Variants in ARID2 observed in about 807,000 individuals in gnomAD.
ARID2 encodes the protein AT-rich interactive domain-containing protein 2.
Under a neutral mutation model 184.6 loss-of-function variants are expected in ARID2, and 32 were observed. The ratio of observed to expected loss-of-function variants is 0.17; its 90% CI spans 0.13 to 0.23. The LOEUF (loss-of-function observed/expected upper bound fraction) is 0.23, where lower values mean the gene tolerates loss of function less well. Among genes scored for constraint, ARID2 ranks in the 10% least tolerant of loss-of-function variants. ARID2 has a pLI of 1.00. For missense variants in ARID2, 1,696 were observed against 2,197.6 expected, an observed-to-expected ratio of 0.77 and a Z score of 4.56; for synonymous variants, 836 against 772.6, an observed-to-expected ratio of 1.08 and a Z score of -1.36.
intron 11 of ARID2, among the ~76,000 whole-genome samples, chr12:45,846,234 T>TA (rs1384888700): frequency 6.6e-6 from 1 of 152,194 alleles, no homozygotes; most frequent in African/African-American, 2.4e-5. Flanking sequence ...TTACAACAGA[T>TA]ATCTTCTTTT....
intron 11 of ARID2, 197 bp downstream of exon 11, chr12:45,839,693 G>C: frequency 4.1e-6 from 2 of 485,306 alleles, no homozygotes; most frequent in East Asian, 3.4e-5. Flanking sequence ...CTCATAGGAA[G>C]AATAGTATAA....
intron 3 of ARID2, among the ~76,000 whole-genome samples, chr12:45,795,737 C>T (rs1336136322): frequency 5.3e-5 from 8 of 152,004 alleles, no homozygotes. Context: ...CGCCTGGCCT[C>T]TCTGTTCTTT....
chr12:45,795,318 CTGA>C (rs1303105823), intron 3 of ARID2, among the ~76,000 whole-genome samples: 3 of 152,242 alleles, frequency 2.0e-5, no homozygotes, highest in African/African-American at 7.2e-5. Context: ...TACTTTCTGG[CTGA>C]TGATACTACG....
chr12:45,741,716 G>C (rs1260379531), intron 3 of ARID2, among the ~76,000 whole-genome samples: 2 of 151,980 alleles, frequency 1.3e-5, no homozygotes, highest in African/African-American at 4.8e-5. Context: ...ATCTTCCAGG[G>C]TCTACTTGTA....
intron 16 of ARID2, among the ~76,000 whole-genome samples, chr12:45,889,664 G>A (rs764800690): frequency 3.3e-5 from 5 of 152,224 alleles, no homozygotes; most frequent in African/African-American, 4.8e-5. Flanking sequence ...GGCCAGGCAC[G>A]GTGGCTGGCT....
intron 16 of ARID2, among the ~76,000 whole-genome samples, chr12:45,890,316 A>G (rs1387512133): frequency 6.6e-6 from 1 of 152,230 alleles, no homozygotes; most frequent in Non-Finnish European, 1.5e-5. Flanking sequence ...AATAAACTTG[A>G]TTAATTGTAT....
chr12:45,809,829 A>G (rs1172323731), intron 3 of ARID2, among the ~76,000 whole-genome samples: 5 of 152,234 alleles, frequency 3.3e-5, no homozygotes, highest in African/African-American at 1.2e-4. Flanking sequence ...TGGAAGGGGA[A>G]AATGAGGAAT....
At chr12:45,862,570 C>T (rs1172986351) in intron 16 of ARID2, among the ~76,000 whole-genome samples, 1 of 152,110 alleles carries the variant, frequency 6.6e-6, no homozygotes, top group Non-Finnish European at 1.5e-5. Flanking sequence ...AAGCTTGTCG[C>T]AGTGGTGCAC....
At chr12:45,811,654 T>C (rs917942704) in intron 4 of ARID2, 103 bp downstream of exon 4, 7 of 1,179,378 alleles carry the variant, frequency 5.9e-6, no homozygotes, top group Admixed American at 2.7e-5. Flanking sequence ...ATGAGAACAC[T>C]TAAGGCCTTA....
At chr12:45,904,414 T>C (rs1944494950) in intron 20 of ARID2, 3 of 701,840 alleles carry the variant, frequency 4.3e-6, no homozygotes, top group South Asian at 1.5e-5. Context: ...ATGGAGAGGC[T>C]GGGCGCGGTG....
intron 3 of ARID2, among the ~76,000 whole-genome samples, chr12:45,805,484 A>G (rs2138074110): frequency 6.6e-6 from 1 of 152,126 alleles, no homozygotes; most frequent in Middle Eastern, 3.4e-3. Flanking sequence ...TATATTCTTA[A>G]TTACCAATCA....
chr12:45,781,126 C>G (rs1434308770), intron 3 of ARID2, among the ~76,000 whole-genome samples: 1 of 151,568 alleles, frequency 6.6e-6, no homozygotes, highest in Non-Finnish European at 1.5e-5. Flanking sequence ...TCAAACCCAG[C>G]ACTTAAAACA....
At chr12:45,884,056 A>G (rs1379539425) in intron 16 of ARID2, among the ~76,000 whole-genome samples, 1 of 152,238 alleles carries the variant, frequency 6.6e-6, no homozygotes, top group Non-Finnish European at 1.5e-5. Flanking sequence ...TATACACATC[A>G]TCACTTATTT....
intron 20 of ARID2, among the ~76,000 whole-genome samples, chr12:45,897,143 T>G (rs1944381001): frequency 6.6e-6 from 1 of 152,200 alleles, no homozygotes; most frequent in Admixed American, 6.5e-5. Flanking sequence ...TTTGGTCAAA[T>G]GATTTTCCAT....
rs1358463478 is a variant in ARID2, at chr12:45,869,685, A to C, written c.4922+8736A>C. ...ATCACTTGAGGTCAGGAGTTTGAGA[A>C]CAGCCTGGCCAATATGGTGAAACCC... On this transcript the variant is annotated intron_variant, in intron 16 of 20. Coordinates refer to ENST00000334344, the MANE Select transcript of ARID2 (RefSeq NM_152641.4). Among the ~76,000 whole-genome samples the C allele has an allele frequency of 4.5e-4, 68 of 151,796 alleles. 1 individual carries two copies. The highest frequency in any genetic ancestry group is 4.5e-3 in the Admixed American group (68 of 15,240).
chr12:45,798,595 T>C (rs1253519656), intron 3 of ARID2, among the ~76,000 whole-genome samples: 1 of 152,200 alleles, frequency 6.6e-6, no homozygotes, highest in African/African-American at 2.4e-5. Flanking sequence ...CAGACTCTAA[T>C]GCCCATCAGT....
At chr12:45,890,882 T>C (rs1289201836) in intron 16 of ARID2, among the ~76,000 whole-genome samples, 1 of 152,020 alleles carries the variant, frequency 6.6e-6, no homozygotes, top group Non-Finnish European at 1.5e-5. Context: ...AGATATTGAT[T>C]ATGGCCAGGT....
At chr12:45,886,604 G>C (rs1245456190) in intron 16 of ARID2, among the ~76,000 whole-genome samples, 1 of 152,178 alleles carries the variant, frequency 6.6e-6, no homozygotes, top group Non-Finnish European at 1.5e-5. Context: ...ACTTCTGCTT[G>C]GACATCCAGA....
At chr12:45,788,915 C>CT (rs1460610737) in intron 3 of ARID2, among the ~76,000 whole-genome samples, 12 of 152,104 alleles carry the variant, frequency 7.9e-5, no homozygotes, top group Non-Finnish European at 1.8e-4. Context: ...ATAAAAAGGA[C>CT]TTTTTTGTCC....
Sources: allele counts gnomAD v4.1 joint callset (sites outside exome capture counted in the v4.1 genomes callset), GRCh38; gene constraint gnomAD v4.1.1; transcripts MANE v1.5; gene names NCBI Gene and HGNC (gene_info 2026-07-23, HGNC 2026-07-21).